NFIB: variants seen among roughly 807,000 people sequenced by gnomAD.
The protein encoded by NFIB is nuclear factor 1 B-type.
Under a neutral mutation model 61.5 loss-of-function variants are expected in NFIB, and 11 were observed. The observed-to-expected ratio is 0.18, with a 90% CI of 0.11 to 0.30. The LOEUF (loss-of-function observed/expected upper bound fraction) is 0.30, where lower values mean the gene tolerates loss of function less well. Ranked by LOEUF, NFIB falls within the 10% of genes least tolerant of loss-of-function variation. The pLI is 1.00. For missense variants in NFIB, 471 were observed against 608.9 expected, an observed-to-expected ratio of 0.77 and a Z score of 2.38; for synonymous variants, 260 against 216.5, an observed-to-expected ratio of 1.20 and a Z score of -1.76.
At chr9:14,530,884 A>G in the NFIB span, among the ~76,000 whole-genome samples, 99,917 of 151,566 alleles carry the variant, frequency 0.66, 33,732 homozygotes, top group Middle Eastern at 0.77. Flanking sequence ...TCAAGACAGA[A>G]AAGGAAAGGG....
chr9:14,220,137 G>C (rs531420952), intron 2 of NFIB, among the ~76,000 whole-genome samples: 1 of 152,314 alleles, frequency 6.6e-6, no homozygotes, highest in African/African-American at 2.4e-5. Context: ...TCCTTTCCAA[G>C]TGGAGAGAAA....
At chr9:14,154,072 T>C (rs1273835601) in intron 4 of NFIB, among the ~76,000 whole-genome samples, 1 of 152,154 alleles carries the variant, frequency 6.6e-6, no homozygotes, top group Non-Finnish European at 1.5e-5. Flanking sequence ...GTATATTAAA[T>C]TTACCTTGGT....
intron 1 of NFIB, among the ~76,000 whole-genome samples, chr9:14,373,757 A>C (rs2132979063): frequency 6.6e-6 from 1 of 152,078 alleles, no homozygotes; most frequent in African/African-American, 2.4e-5. Context: ...TGTTGGAATA[A>C]GATTTGGCAG....
At chr9:14,189,482 G>T (rs1158220683) in intron 2 of NFIB, among the ~76,000 whole-genome samples, 1 of 151,698 alleles carries the variant, frequency 6.6e-6, no homozygotes, top group East Asian at 1.9e-4. Context: ...GAAATACTAG[G>T]AAAAAAATAA....
chr9:14,356,431 G>C (rs1262662844), intron 1 of NFIB, among the ~76,000 whole-genome samples: 1 of 152,118 alleles, frequency 6.6e-6, no homozygotes, highest in Non-Finnish European at 1.5e-5. Flanking sequence ...TTGGGGTTGA[G>C]GGCTAAGTTT....
At chr9:14,461,819 G>C in the NFIB span, among the ~76,000 whole-genome samples, 3 of 152,318 alleles carry the variant, frequency 2.0e-5, no homozygotes, top group African/African-American at 7.2e-5. Flanking sequence ...TCTTAAGTGG[G>C]TGCTCTAGGA....
At chr9:14,381,850 A>T (rs550451108) in intron 1 of NFIB, among the ~76,000 whole-genome samples, 1 of 152,394 alleles carries the variant, frequency 6.6e-6, no homozygotes, top group Admixed American at 6.5e-5. Context: ...ACTCACAAAA[A>T]TATCGGTTGA....
At chr9:14,333,776 A>G (rs2060850035) in intron 1 of NFIB, among the ~76,000 whole-genome samples, 1 of 152,222 alleles carries the variant, frequency 6.6e-6, no homozygotes, top group African/African-American at 2.4e-5. Context: ...ACGAGTGTAT[A>G]GCTAAATGTA....
At chr9:14,441,887 C>T in the NFIB span, among the ~76,000 whole-genome samples, 3 of 152,186 alleles carry the variant, frequency 2.0e-5, no homozygotes, top group African/African-American at 7.2e-5. Flanking sequence ...GATTGTATTA[C>T]CCTCAAGGGC....
At chr9:14,486,938 C>G in the NFIB span, among the ~76,000 whole-genome samples, 1 of 152,148 alleles carries the variant, frequency 6.6e-6, no homozygotes, top group Admixed American at 6.5e-5. Context: ...GGGATGAAGG[C>G]AGATATCCCA....
chr9:14,486,059 G>C, the NFIB span, among the ~76,000 whole-genome samples: 1 of 152,126 alleles, frequency 6.6e-6, no homozygotes, highest in African/African-American at 2.4e-5. Context: ...CATGGACCTC[G>C]GGTGTCAATA....
intron 10 of NFIB, among the ~76,000 whole-genome samples, chr9:14,098,021 T>C (rs946180490): frequency 6.6e-6 from 1 of 152,022 alleles, no homozygotes; most frequent in Admixed American, 6.6e-5. Flanking sequence ...ATGTGTAAAG[T>C]AACTACAGAA....
chr9:14,201,735 G>T (rs2049055047), intron 2 of NFIB, among the ~76,000 whole-genome samples: 1 of 151,784 alleles, frequency 6.6e-6, no homozygotes, highest in African/African-American at 2.4e-5. Context: ...ATTTATCTTG[G>T]ATGTACTATC....
At chr9:14,215,504 A>C (rs911869707) in intron 2 of NFIB, among the ~76,000 whole-genome samples, 1 of 152,226 alleles carries the variant, frequency 6.6e-6, no homozygotes, top group African/African-American at 2.4e-5. Context: ...ATCCTCGCTT[A>C]TTCTAAATTT....
the NFIB span, among the ~76,000 whole-genome samples, chr9:14,425,560 T>C: frequency 2.0e-5 from 3 of 151,908 alleles, no homozygotes; most frequent in East Asian, 1.9e-4. Flanking sequence ...ATATTTTCTC[T>C]GCATGTATGA....
chr9:14,458,915 T>C, the NFIB span, among the ~76,000 whole-genome samples: 1 of 151,972 alleles, frequency 6.6e-6, no homozygotes, highest in Admixed American at 6.6e-5. Flanking sequence ...ATAGGAAGAA[T>C]CAATATCGTG....
upstream of NFIB, among the ~76,000 whole-genome samples, chr9:14,315,707 A>C (rs1330863333): frequency 1.3e-5 from 2 of 151,362 alleles, no homozygotes; most frequent in Non-Finnish European, 3.0e-5. Context: ...ATTTTGAAGA[A>C]GGCGGTTCGC....
chr9:14,212,038 G>T (rs868090121), intron 2 of NFIB, among the ~76,000 whole-genome samples: 14 of 152,166 alleles, frequency 9.2e-5, no homozygotes, highest in African/African-American at 2.9e-4. Flanking sequence ...ATGCAAATAC[G>T]TTGCCATTTA....
intron 10 of NFIB, among the ~76,000 whole-genome samples, chr9:14,094,641 T>C (rs1165568291): frequency 6.6e-6 from 1 of 152,074 alleles, no homozygotes; most frequent in Admixed American, 6.6e-5. Context: ...AGCTCTTACC[T>C]GAACTGCAAA....
Sources: allele counts gnomAD v4.1 joint callset (sites outside exome capture counted in the v4.1 genomes callset), GRCh38; gene constraint gnomAD v4.1.1; transcripts MANE v1.5; gene names NCBI Gene and HGNC (gene_info 2026-07-23, HGNC 2026-07-21).